UBE2W: variants seen among roughly 807,000 people sequenced by gnomAD.
UBE2W encodes ubiquitin-conjugating enzyme E2 W.
A neutral mutation model predicts 27.2 loss-of-function variants in UBE2W; 18 were observed. The observed-to-expected ratio is 0.66, with a 90% CI of 0.46 to 0.98. The LOEUF (loss-of-function observed/expected upper bound fraction) is 0.98. UBE2W is among the 50% of genes least tolerant of loss of function. UBE2W has a pLI of 0.00. For missense variants in UBE2W, 90 were observed against 180.2 expected (o/e 0.50, Z 2.87); for synonymous variants, 53 against 57.2 (o/e 0.93, Z 0.33).
At chr8:73,842,313 G>A (rs963917770) in intron 1 of UBE2W, among the ~76,000 whole-genome samples, 3 of 151,894 alleles carry the variant, frequency 2.0e-5, no homozygotes, top group African/African-American at 7.3e-5. Context: ...TGGATTACGA[G>A]GTCAGGAGAT....
intron 3 of UBE2W, among the ~76,000 whole-genome samples, chr8:73,822,541 C>T (rs1454249851): frequency 7.3e-6 from 1 of 136,510 alleles, no homozygotes; most frequent in Non-Finnish European, 1.5e-5. Context: ...ACAGCAACCC[C>T]CTTTGGGTCC....
At chr8:73,796,036 C>T (rs1412565506) in intron 5 of UBE2W, 2 of 111,378 alleles carry the variant, frequency 1.8e-5, no homozygotes, top group Non-Finnish European at 3.3e-5. Context: ...TGCAGTGAGC[C>T]GTGATCCCTA....
At chr8:73,812,517 A>G (rs930101218) in intron 3 of UBE2W, among the ~76,000 whole-genome samples, 5 of 152,218 alleles carry the variant, frequency 3.3e-5, no homozygotes, top group African/African-American at 1.2e-4. Context: ...TTTCATAAAT[A>G]TGAACTATAG....
In UBE2W at chr8:73,810,473, C is replaced by T; in HGVS notation, c.366+1G>A. ...TCTGGAATAATTCTGAAAAGTCTTACCTTTTCCTTGCAGCTGGAAAGCATG... is the reference window on the plus strand; with the variant it reads ...TCTGGAATAATTCTGAAAAGTCTTATCTTTTCCTTGCAGCTGGAAAGCATG... On this transcript the variant is annotated splice_donor_variant, in intron 4 of 5. Transcript: ENST00000602593. LOFTEE classifies it high-confidence loss of function. The T allele has an allele frequency of 6.2e-7, 1 of 1,608,568 alleles. No homozygotes were observed. The highest frequency in any genetic ancestry group is 8.5e-7 in the Non-Finnish European group (1 of 1,178,310).
intron 1 of UBE2W, among the ~76,000 whole-genome samples, chr8:73,871,358 TAAATACA>T (rs1310215533): frequency 6.6e-6 from 1 of 152,236 alleles, no homozygotes; most frequent in Non-Finnish European, 1.5e-5. Flanking sequence ...TTGGGTAAGA[TAAATACA>T]AAATGCAGTT....
intron 1 of UBE2W, among the ~76,000 whole-genome samples, chr8:73,866,139 C>A (rs908742790): frequency 1.3e-5 from 2 of 151,414 alleles, no homozygotes; most frequent in Non-Finnish European, 2.9e-5. Flanking sequence ...GGTGTGGCAG[C>A]GCGTGCCTGT....
chr8:73,869,563 C>A (rs889625195), intron 1 of UBE2W, among the ~76,000 whole-genome samples: 1 of 152,044 alleles, frequency 6.6e-6, no homozygotes. Context: ...TGGTGGCGCA[C>A]GCCTGCAGTC....
At chr8:73,794,141 A>AT (rs765538427) in intron 5 of UBE2W, 26 bp from the exon 6 acceptor site, 1 of 1,610,878 alleles carries the variant, frequency 6.2e-7, no homozygotes, top group South Asian at 1.1e-5. Context: ...AAAAAAGATA[A>AT]TTAAAAAGTC....
At chr8:73,802,219 T>C (rs1328654390) in intron 5 of UBE2W, among the ~76,000 whole-genome samples, 1 of 152,218 alleles carries the variant, frequency 6.6e-6, no homozygotes, top group Non-Finnish European at 1.5e-5. Context: ...ACTTGCTACA[T>C]ACCGCCAGCA....
intron 4 of UBE2W, among the ~76,000 whole-genome samples, chr8:73,780,920 G>A (rs1173751455): frequency 2.0e-5 from 3 of 152,138 alleles, no homozygotes; most frequent in East Asian, 3.9e-4. Context: ...CAGGGTGATC[G>A]CTTCAAAGAC....
intron 1 of UBE2W, among the ~76,000 whole-genome samples, chr8:73,853,680 T>C (rs1025974635): frequency 2.0e-5 from 3 of 152,212 alleles, no homozygotes; most frequent in Non-Finnish European, 4.4e-5. Context: ...CCTCAGATTG[T>C]TATTGAAAGA....
At chr8:73,783,919 C>G (rs1465102630), downstream of UBE2W, among the ~76,000 whole-genome samples, 1 of 152,048 alleles carries the variant, frequency 6.6e-6, no homozygotes, top group Non-Finnish European at 1.5e-5. Flanking sequence ...ATGCCACCAG[C>G]CTGGCTAATT....
At chr8:73,785,543 C>G (rs765009090), downstream of UBE2W, among the ~76,000 whole-genome samples, 1 of 152,216 alleles carries the variant, frequency 6.6e-6, no homozygotes, top group African/African-American at 2.4e-5. Flanking sequence ...TTGAACCCAT[C>G]GCCCAGATAG....
At chr8:73,857,791 G>A (rs1237800221) in intron 1 of UBE2W, among the ~76,000 whole-genome samples, 1 of 152,050 alleles carries the variant, frequency 6.6e-6, no homozygotes, top group Non-Finnish European at 1.5e-5. Flanking sequence ...ACTCCAGCCT[G>A]GGTGACAGAG....
intron 5 of UBE2W, among the ~76,000 whole-genome samples, chr8:73,801,420 A>AC (rs1307560080): frequency 1.3e-5 from 2 of 152,244 alleles, no homozygotes; most frequent in African/African-American, 2.4e-5. Flanking sequence ...TTTTAAAAAA[A>AC]CTCATCTTCT....
chr8:73,805,472 C>CAAACAAAAAAAAAAAAACAAAAAAAAA (rs1254739442), intron 5 of UBE2W, among the ~76,000 whole-genome samples, 179 bp downstream of exon 5: 1 of 43,676 alleles, frequency 2.3e-5, no homozygotes, highest in Non-Finnish European at 5.0e-5. Flanking sequence ...AAAAAAAAAA[C>CAAACAAAAAAAAAAAAACAAAAAAAAA]AAAAAAAACT....
downstream of UBE2W, among the ~76,000 whole-genome samples, chr8:73,782,951 G>T (rs1807869735): frequency 6.6e-6 from 1 of 152,100 alleles, no homozygotes; most frequent in Non-Finnish European, 1.5e-5. Context: ...CAATGCAGTG[G>T]GTGTGTAGTG....
chr8:73,808,160 T>C (rs566506331), intron 4 of UBE2W, among the ~76,000 whole-genome samples: 7 of 152,306 alleles, frequency 4.6e-5, no homozygotes, highest in Admixed American at 3.3e-4. Flanking sequence ...GTAAAGCCCA[T>C]AGAACCATGT....
At chr8:73,835,065 G>A (rs1810251496) in intron 1 of UBE2W, among the ~76,000 whole-genome samples, 1 of 152,124 alleles carries the variant, frequency 6.6e-6, no homozygotes, top group Non-Finnish European at 1.5e-5. Flanking sequence ...ACTTTACTAA[G>A]TCAAGAAGGA....
Sources: gnomAD v4.1 joint callset for allele counts (sites outside exome capture counted in the v4.1 genomes callset) on GRCh38, gnomAD v4.1.1 for gene constraint, MANE v1.5 for transcripts, NCBI Gene and HGNC (gene_info 2026-07-23, HGNC 2026-07-21) for gene names.